Variants in MAL2 observed in about 807,000 individuals in gnomAD.
The protein encoded by MAL2 is mal, T cell differentiation protein 2, also known as protein MAL2.
A neutral mutation model predicts 18.1 loss-of-function variants in MAL2; 17 were observed. That is an observed-to-expected ratio of 0.94 (90% CI 0.64 to 1.41). The LOEUF is 1.41. Among genes scored for constraint, MAL2 ranks in the 40% most tolerant of loss-of-function variants. The probability of loss-of-function intolerance (pLI) is 0.00; values close to 1 mark genes in which losing one functional copy is unlikely to be tolerated. For synonymous variants in MAL2, 102 were observed against 102.3 expected, an observed-to-expected ratio of 1.00 and a Z score of 0.02; for missense variants, 222 against 231.9, an observed-to-expected ratio of 0.96 and a Z score of 0.28.
chr8:119,215,786 A>G (rs1043996042), intron 1 of MAL2, among the ~76,000 whole-genome samples: 3 of 152,144 alleles, frequency 2.0e-5, no homozygotes, highest in Non-Finnish European at 4.4e-5. Context: ...GAAGCATTAC[A>G]GGGAAGATGA....
chr8:119,225,941 T>C (rs1414355275), intron 2 of MAL2, among the ~76,000 whole-genome samples: 1 of 152,236 alleles, frequency 6.6e-6, no homozygotes, highest in African/African-American at 2.4e-5. Flanking sequence ...TCTGTTCATA[T>C]CCTTCACCCA....
At chr8:119,222,228 A>G (rs190482140) in intron 2 of MAL2, among the ~76,000 whole-genome samples, 35 of 152,128 alleles carry the variant, frequency 2.3e-4, no homozygotes, top group Admixed American at 7.9e-4. Context: ...AGAATTGGTG[A>G]GTTTTTAAAA....
At chr8:119,218,327 C>T (rs567155637) in intron 1 of MAL2, among the ~76,000 whole-genome samples, 1 of 152,190 alleles carries the variant, frequency 6.6e-6, no homozygotes, top group South Asian at 2.1e-4. Flanking sequence ...CCTTCCAAGC[C>T]TTTGAGGTGT....
At chr8:119,240,384 A>C in intron 3 of MAL2, 64 bp downstream of exon 3, 1 of 1,532,508 alleles carries the variant, frequency 6.5e-7, no homozygotes, top group Non-Finnish European at 8.9e-7. Flanking sequence ...AAGGCCTCCA[A>C]GAAACTCCTC....
intron 2 of MAL2, among the ~76,000 whole-genome samples, chr8:119,238,151 CAG>C (rs1297966912): frequency 1.3e-5 from 2 of 152,200 alleles, no homozygotes; most frequent in Admixed American, 6.5e-5. Context: ...AACATACAAA[CAG>C]GGAGCCAAAT....
In MAL2 at chr8:119,245,220, A is replaced by G. The variant is rs1201483919; in HGVS notation, c.*1732A>G. The G allele has an allele frequency of 6.6e-6, 1 of 152,578 alleles. No individual in the cohort carries two copies. Among genetic ancestry groups the G allele is most frequent in the Admixed American group, 6.6e-5 (1 of 15,250 alleles). The allele number at this position is 152,578 out of a possible 1,614,324, so 9.5% of individuals were successfully genotyped here. ...ACTACTTTGGTTTTCCTAGCTCCAT[A>G]CCACACACCTAAACCTGTATTATGA... On this transcript the variant is annotated 3_prime_UTR_variant, in exon 4 of 4. Transcript: ENST00000614891.
At chr8:119,231,784 T>G (rs572811488) in intron 2 of MAL2, among the ~76,000 whole-genome samples, 8 of 152,362 alleles carry the variant, frequency 5.3e-5, no homozygotes, top group African/African-American at 1.9e-4. Context: ...GCAATATAGA[T>G]GAACATTGTG....
chr8:119,243,752 C>T lies in MAL2; in HGVS notation c.*264C>T. The T allele has an allele frequency of 3.2e-6, 1 of 314,290 alleles. No individual in the cohort carries two copies. Among genetic ancestry groups the T allele is most frequent in the Non-Finnish European group, 5.8e-6 (1 of 173,480 alleles). 19.5% of individuals were successfully genotyped at this position (314,290 alleles called of 1,614,324 possible). A position where few individuals can be genotyped will look rare whatever the true frequency, so the allele number is the denominator to read the frequency against. On this transcript the variant is annotated 3_prime_UTR_variant, in exon 4 of 4. Transcript: ENST00000614891. ...TTCCTCCTTTTCTTTCTGAAAGTTTCCTTTTATGTCCATAAAATACAAATA... is the reference window on the plus strand; with the variant it reads ...TTCCTCCTTTTCTTTCTGAAAGTTTTCTTTTATGTCCATAAAATACAAATA...
At chr8:119,226,812 G>A (rs1817606044) in intron 2 of MAL2, among the ~76,000 whole-genome samples, 1 of 152,196 alleles carries the variant, frequency 6.6e-6, no homozygotes, top group African/African-American at 2.4e-5. Flanking sequence ...AGAAACTCTG[G>A]GAGTAGGACT....
chr8:119,232,796 T>A (rs572019518), intron 2 of MAL2, among the ~76,000 whole-genome samples: 1 of 152,220 alleles, frequency 6.6e-6, no homozygotes, highest in Non-Finnish European at 1.5e-5. Context: ...ATGGCTTTTT[T>A]ATATTATCCT....
intron 2 of MAL2, among the ~76,000 whole-genome samples, chr8:119,239,812 T>C (rs2326223): frequency 0.94 from 142,689 of 152,032 alleles, 67,047 homozygotes; most frequent in East Asian, 1. Context: ...TGCTAAATGA[T>C]GAGTTAATGA....
chr8:119,228,897 G>GGATAATCCCT (rs1335525930), intron 2 of MAL2, among the ~76,000 whole-genome samples: 7 of 152,152 alleles, frequency 4.6e-5, no homozygotes, highest in Non-Finnish European at 8.8e-5. Flanking sequence ...GTCCCCTTGA[G>GGATAATCCCT]GATAATCCCT....
intron 2 of MAL2, among the ~76,000 whole-genome samples, chr8:119,224,939 G>A (rs991633041): frequency 6.6e-6 from 1 of 152,118 alleles, no homozygotes; most frequent in Admixed American, 6.5e-5. Context: ...AATTCTTTAT[G>A]GGTGATAAGT....
In MAL2 at chr8:119,225,242, G is replaced by T. The variant is rs567414375; in HGVS notation, c.303+3485G>T. ...CCATTAACTCATCATTTAACATCAG[G>T]TATATCTCCTAATGCTATCCCTCCC... On this transcript the variant is annotated intron_variant, in intron 2 of 3. Transcript: ENST00000614891. Among the ~76,000 whole-genome samples the T allele has an allele frequency of 3.3e-5, 5 of 152,150 alleles. No individual in the cohort carries two copies. In the South Asian group the frequency reaches 8.3e-4, roughly 25 times the overall value.
chr8:119,218,595 C>A (rs561168304), intron 1 of MAL2, among the ~76,000 whole-genome samples: 11 of 152,268 alleles, frequency 7.2e-5, no homozygotes, highest in African/African-American at 2.6e-4. Context: ...TCTATTTCTT[C>A]CTTATTTCAA....
chr8:119,209,818 T>C (rs1192587126), intron 1 of MAL2, among the ~76,000 whole-genome samples: 1 of 152,176 alleles, frequency 6.6e-6, no homozygotes, highest in Non-Finnish European at 1.5e-5. Context: ...AGTAATGGGA[T>C]CCTGACTGCG....
chr8:119,222,211 A>G (rs1817479637), intron 2 of MAL2, among the ~76,000 whole-genome samples: 1 of 152,100 alleles, frequency 6.6e-6, no homozygotes, highest in African/African-American at 2.4e-5. Flanking sequence ...TCTGTCCCAA[A>G]TTAAAAAGAA....
chr8:119,243,852 A>C lies in MAL2; in HGVS notation c.*364A>C, dbSNP rs1818099958. The C allele has an allele frequency of 6.2e-6, 1 of 161,048 alleles. No individual in the cohort carries two copies. The highest frequency in any genetic ancestry group is 1.3e-5 in the Non-Finnish European group (1 of 74,248). 10.0% of individuals were successfully genotyped at this position (161,048 alleles called of 1,614,324 possible). ...TGAACCTTAATTTTAATTGGTAATTACAGCCCCTAAAAAAAACACATTTCA... is the reference window on the plus strand; with the variant it reads ...TGAACCTTAATTTTAATTGGTAATTCCAGCCCCTAAAAAAAACACATTTCA... On this transcript the variant is annotated 3_prime_UTR_variant, in exon 4 of 4. Transcript: ENST00000614891.
rs1817227385 is a variant in MAL2, at chr8:119,208,869, A to G, written c.132+265A>G. On this transcript the variant is annotated intron_variant, in intron 1 of 3. Transcript: ENST00000614891. This position sits in a 1 kb window ranked among gnomAD's most constrained non-coding sequence, Gnocchi z 4.3. Reference sequence around the variant, plus strand: ...GCGAGTAGGCGGCCCGGCAGGGCCGAACATTGGGGACGTGGAGGAAAGAAA... The same window carrying G: ...GCGAGTAGGCGGCCCGGCAGGGCCGGACATTGGGGACGTGGAGGAAAGAAA... The G allele has an allele frequency of 3.0e-6, 1 of 337,976 alleles. No homozygotes were observed. Among genetic ancestry groups the G allele is most frequent in the Non-Finnish European group, 5.0e-6 (1 of 198,600 alleles). The allele number at this position is 337,976 out of a possible 1,614,324, so 20.9% of individuals were successfully genotyped here. A position where few individuals can be genotyped will look rare whatever the true frequency, so the allele number is the denominator to read the frequency against.
Sources: allele counts gnomAD v4.1 joint callset (sites outside exome capture counted in the v4.1 genomes callset), GRCh38; gene constraint gnomAD v4.1.1; non-coding constraint Gnocchi (gnomAD v3.1); transcripts MANE v1.5; gene names NCBI Gene and HGNC (gene_info 2026-07-23, HGNC 2026-07-21).